GART: variants seen among roughly 807,000 people sequenced by gnomAD.
The protein encoded by GART is phosphoribosylglycinamide formyltransferase, phosphoribosylglycinamide synthetase, phosphoribosylaminoimidazole synthetase, also known as trifunctional purine biosynthetic protein adenosine-3.
GART carries 43 observed loss-of-function variants against 107.2 expected under a neutral mutation model. The ratio of observed to expected loss-of-function variants is 0.40; its 90% CI spans 0.31 to 0.52. The LOEUF (loss-of-function observed/expected upper bound fraction) is 0.52. GART is among the 20% of genes least tolerant of loss of function. GART has a pLI of 0.52. For synonymous variants in GART, 434 were observed against 427.0 expected (o/e 1.02, Z -0.20); for missense variants, 1,107 against 1,206.5 (o/e 0.92, Z 1.22).
At chr21:33,505,888 C>T (rs2084669507) in intron 19 of GART, 86 bp downstream of exon 19, 2 of 1,551,248 alleles carry the variant, frequency 1.3e-6, no homozygotes, top group East Asian at 4.5e-5. Flanking sequence ...GTCCCAAGAA[C>T]AAGTGCCCAT....
intron 13 of GART, 151 bp downstream of exon 13, chr21:33,520,755 A>G (rs1263798763): frequency 4.2e-6 from 3 of 714,858 alleles, no homozygotes; most frequent in South Asian, 2.0e-5. Context: ...ATAATTTGTT[A>G]TTAGAAATGT....
chr21:33,504,077 A>C lies in GART; in HGVS notation c.*47T>G. ...CATGATAAAAAACCACCATGCAAAC[A>C]GCAAATAATTCTTTCTAAACTGGCC... On this transcript the variant is annotated 3_prime_UTR_variant, in exon 22 of 22. Transcript: ENST00000381815. The C allele has an allele frequency of 6.6e-7, 1 of 1,520,326 alleles. No individual in the cohort carries two copies. Among genetic ancestry groups the C allele is most frequent in the Non-Finnish European group, 8.9e-7 (1 of 1,128,684 alleles). The allele number at this position is 1,520,326 out of a possible 1,614,324, so 94.2% of individuals were successfully genotyped here. A position where few individuals can be genotyped will look rare whatever the true frequency, so the allele number is the denominator to read the frequency against.
rs1167082849 is a variant in GART at position 33,504,436 on chromosome 21, A to G, written c.2817T>C (p.Thr939=). 2 of 1,613,884 alleles carry G rather than the reference A, an allele frequency of 1.2e-6. No individual in the cohort carries two copies. Among genetic ancestry groups the G allele is most frequent in the Non-Finnish European group, 1.7e-6 (2 of 1,179,848 alleles). The change falls in exon 21 of 22, where the codon ACT becomes ACC. Residue 939 remains threonine (T), a synonymous_variant. Transcript: ENST00000381815. ...EQALETGVTV[T]GCTVHFVAED... ...CAGCTACAAAGTGTACAGTGCACCC[A>G]GTAACTGTGACTCCGGTTTCCAGGG...
At chr21:33,506,335 G>T (rs1020754039) in intron 18 of GART, among the ~76,000 whole-genome samples, 11 of 151,962 alleles carry the variant, frequency 7.2e-5, no homozygotes, top group Admixed American at 1.3e-4. Context: ...GTAGAGATGG[G>T]GTTTCACCAC....
At chr21:33,527,707 CTGTT>C (rs1353883899) in intron 10 of GART, among the ~76,000 whole-genome samples, 2 of 152,238 alleles carry the variant, frequency 1.3e-5, no homozygotes, top group East Asian at 1.9e-4. Context: ...AACTTTGAAA[CTGTT>C]TGAATTTTGC....
chr21:33,530,786 TC>T lies in GART; in HGVS notation c.695del (p.Gly232GlufsTer17). ...GAGGGGCTGGACAATAGGCTCCCAT[TC>T]CCCCTGTGTTAGGGCCACCATCTCC... ...LEGDGGPNTGGMGAYCPAPQV... is the reference protein window; with the variant it reads ...LEGDGGPNTGXMGAYCPAPQV... On this transcript the variant is annotated frameshift_variant, in exon 7 of 22. Coordinates refer to ENST00000381815, the MANE Select transcript of GART (RefSeq NM_000819.5). LOFTEE classifies it high-confidence loss of function. 1.3e-6 allele frequency: 2 copies of T among 1,517,412 alleles called. No individual in the cohort carries two copies. Among genetic ancestry groups the T allele is most frequent in the South Asian group, 1.3e-5 (1 of 74,254 alleles). 94.0% of individuals were successfully genotyped at this position (1,517,412 alleles called of 1,614,324 possible).
In GART at chr21:33,524,984, T is replaced by C. The variant is rs189165032; in HGVS notation, c.1083A>G (p.Gln361=). The C allele has an allele frequency of 6.2e-6, 10 of 1,614,168 alleles. No individual in the cohort carries two copies. In the East Asian group the frequency reaches 1.3e-4, roughly 22 times the overall value. Residue 361 remains glutamine, a synonymous_variant, in exon 11 of 22, where the codon CAA becomes CAG. Transcript: ENST00000381815. ...CATGGAACACCTCCAGTCCTAGAGC[T>C]TGAGCCTCAGGAAACCCTAGAAGAG... ...GVEITGFPEA[Q]ALGLEVFHAG...
In GART at chr21:33,533,150, G is replaced by GCC. The variant is rs573702341; in HGVS notation, c.417-695_417-694insGG. Among the ~76,000 whole-genome samples, 309 of 152,220 alleles carry GCC rather than the reference G, an allele frequency of 2.0e-3. 1 individual carries two copies. Among genetic ancestry groups the GCC allele is most frequent in the Non-Finnish European group, 3.6e-3 (243 of 68,002 alleles). Reference sequence around the variant, plus strand: ...ATGTTTAATTTTGAAATTTAAAATTGCAATAGTGGCCAGGCGCGGTGGCTC... The same window carrying GCC: ...ATGTTTAATTTTGAAATTTAAAATTGCCCAATAGTGGCCAGGCGCGGTGGCTC... On this transcript the variant is annotated intron_variant, in intron 4 of 21. Transcript: ENST00000381815.
In GART at chr21:33,530,882, A is replaced by G; in HGVS notation, c.600T>C (p.Cys200=). The G allele has an allele frequency of 6.6e-7, 1 of 1,518,998 alleles. No homozygotes were observed. 94.1% of individuals were successfully genotyped at this position (1,518,998 alleles called of 1,614,324 possible). Residue 200 remains cysteine, a splice_region_variant and synonymous_variant, in exon 7 of 22, where the codon TGT becomes TGC. Coordinates refer to ENST00000381815, the MANE Select transcript of GART (RefSeq NM_000819.5). Reference sequence around the variant, plus strand: ...CAGTCTTGCCATCAGTGAAACACAGACACTATAAAGAAAACAAAATAGTCC... The same window carrying G: ...CAGTCTTGCCATCAGTGAAACACAGGCACTATAAAGAAAACAAAATAGTCC... ...EELLDGEEVS[C]LCFTDGKTVA...
intron 7 of GART, among the ~76,000 whole-genome samples, chr21:33,530,053 G>A (rs1342688809): frequency 2.6e-5 from 4 of 152,082 alleles, no homozygotes; most frequent in Non-Finnish European, 4.4e-5. Context: ...TTAGCCTGGC[G>A]TGGTGGCCTG....
chr21:33,516,929 G>T, intron 16 of GART, 60 bp downstream of exon 16: 1 of 1,428,640 alleles, frequency 7.0e-7, no homozygotes, highest in South Asian at 1.3e-5. Context: ...TAGTTTTCTC[G>T]CACAATGCAT....
At chr21:33,509,757 AC>A (rs1569010452) in intron 18 of GART, 25 bp downstream of exon 18, 4 of 1,611,538 alleles carry the variant, frequency 2.5e-6, no homozygotes, top group Non-Finnish European at 2.5e-6. Context: ...CAACAGCTCT[AC>A]AGTGAAGGGG....
At chr21:33,530,942 T>A (rs2145743915) in intron 6 of GART, 58 bp from the exon 7 acceptor site, 60 of 1,402,904 alleles carry the variant, frequency 4.3e-5, no homozygotes, top group South Asian at 1.9e-4. Context: ...AAAAAAAAAA[T>A]TTAGTGAGGC....
chr21:33,530,680 C>T, intron 7 of GART, 79 bp downstream of exon 7: 1 of 1,279,498 alleles, frequency 7.8e-7, no homozygotes, highest in South Asian at 3.0e-5. Context: ...GAAAACAAAA[C>T]AAAATAGAAA....
intron 10 of GART, 31 bp from the exon 11 acceptor site, chr21:33,525,031 C>A: frequency 6.3e-7 from 1 of 1,594,292 alleles, no homozygotes. Flanking sequence ...CATATGATTT[C>A]AAATAGCAAC....
intron 17 of GART, 119 bp from the exon 18 acceptor site, chr21:33,510,039 G>T: frequency 2.3e-6 from 2 of 880,966 alleles, no homozygotes; most frequent in Admixed American, 5.6e-5. Flanking sequence ...ATAAGATAAT[G>T]CAAGGACTAA....
At chr21:33,519,302 C>T (rs2145709667) in intron 14 of GART, among the ~76,000 whole-genome samples, 1 of 152,160 alleles carries the variant, frequency 6.6e-6, no homozygotes, top group Middle Eastern at 3.4e-3. Flanking sequence ...GCCTGTAATC[C>T]CAGCACTTTG....
Position 33,524,770 on chromosome 21 carries a change from T to A in GART, c.1297A>T (p.Arg433Trp). The change falls in exon 11 of 22, where the codon AGG becomes TGG. Residue 433 changes from arginine to tryptophan, a missense_variant and splice_region_variant. Arg to Trp is a moderately radical substitution (Grantham distance 101). Coordinates refer to ENST00000381815, the MANE Select transcript of GART (RefSeq NM_000819.5). The stretch of plus-strand genomic sequence containing the variant: ...CAGCTAACTTGCTTAGAGTTTTACC[T>A]GGGCTGCTGGAGGAAAGCTATGGCA... ...FRAIAFLQQP[R>W]SLTYKESGVD... The A allele has an allele frequency of 6.2e-7, 1 of 1,614,226 alleles. No individual in the cohort carries two copies. The highest frequency in any genetic ancestry group is 8.5e-7 in the Non-Finnish European group (1 of 1,180,038).
chr21:33,530,822 T>A lies in GART; in HGVS notation c.660A>T (p.Arg220=). The A allele has an allele frequency of 6.5e-7, 1 of 1,541,960 alleles. No individual in the cohort carries two copies. The highest frequency in any genetic ancestry group is 8.7e-7 in the Non-Finnish European group (1 of 1,151,588). The change falls in exon 7 of 22, where the codon CGA becomes CGT. Residue 220 remains arginine (R), a synonymous_variant. Transcript: ENST00000381815. ...APMPPAQDHK[R]LLEGDGGPNT... is the part of the protein sequence containing the mutation. ...TAGGGCCACCATCTCCCTCCAGTAA[T>A]CGCTTATGGTCCTGTGCTGGGGGCA...
Sources: allele counts gnomAD v4.1 joint callset (sites outside exome capture counted in the v4.1 genomes callset), GRCh38; gene constraint gnomAD v4.1.1; transcripts MANE v1.5; gene names NCBI Gene and HGNC (gene_info 2026-07-23, HGNC 2026-07-21).